PLD5: variants seen among roughly 807,000 people sequenced by gnomAD.
The protein encoded by PLD5 is inactive phospholipase D5.
A neutral mutation model predicts 61.1 loss-of-function variants in PLD5; 36 were observed. The observed-to-expected ratio is 0.59, with a 90% CI of 0.45 to 0.78. PLD5 has a LOEUF of 0.78. Among genes scored for constraint, PLD5 ranks in the 30% least tolerant of loss-of-function variants. The pLI is 0.00. For synonymous variants in PLD5, 243 were observed against 242.8 expected (o/e 1.00, Z -0.01); for missense variants, 515 against 644.4 (o/e 0.80, Z 2.17).
At chr1:242,255,563 G>C (rs2653195) in intron 4 of PLD5, among the ~76,000 whole-genome samples, 3 of 152,188 alleles carry the variant, frequency 2.0e-5, no homozygotes, top group Non-Finnish European at 4.4e-5. Flanking sequence ...TAACCTGCAC[G>C]TTGTGCACAT....
At chr1:242,361,590 A>G (rs1027019147) in intron 1 of PLD5, among the ~76,000 whole-genome samples, 4 of 152,308 alleles carry the variant, frequency 2.6e-5, no homozygotes, top group Admixed American at 6.5e-5. Context: ...TTAAAATGCT[A>G]TTACATAGCA....
At chr1:242,092,979 C>T (rs2148650482) in intron 9 of PLD5, among the ~76,000 whole-genome samples, 1 of 152,284 alleles carries the variant, frequency 6.6e-6, no homozygotes, top group Non-Finnish European at 1.5e-5. Flanking sequence ...TTGCTTTATC[C>T]TTCTCCCCTC....
At chr1:242,108,043 G>T (rs778181727) in intron 7 of PLD5, among the ~76,000 whole-genome samples, 2 of 152,104 alleles carry the variant, frequency 1.3e-5, no homozygotes, top group Non-Finnish European at 2.9e-5. Context: ...ACCTGCCCCT[G>T]CCTAAAAGGA....
intron 2 of PLD5, among the ~76,000 whole-genome samples, chr1:242,333,608 G>A (rs1413954634): frequency 1.3e-5 from 2 of 152,184 alleles, no homozygotes; most frequent in African/African-American, 4.8e-5. Context: ...TTAAGTGTAA[G>A]GTTCAATGGT....
At chr1:242,297,565 C>T (rs2149153558) in intron 2 of PLD5, among the ~76,000 whole-genome samples, 1 of 151,408 alleles carries the variant, frequency 6.6e-6, no homozygotes, top group South Asian at 2.1e-4. Flanking sequence ...ACCATCACAT[C>T]CAGCTAACCA....
chr1:242,333,967 C>A (rs1659349091), intron 2 of PLD5, among the ~76,000 whole-genome samples: 1 of 152,132 alleles, frequency 6.6e-6, no homozygotes, highest in East Asian at 1.9e-4. Flanking sequence ...CATGGGCATG[C>A]AGATAACTCT....
At chr1:242,388,249 A>C (rs980744693) in intron 1 of PLD5, among the ~76,000 whole-genome samples, 1 of 152,206 alleles carries the variant, frequency 6.6e-6, no homozygotes, top group Non-Finnish European at 1.5e-5. Flanking sequence ...TTTTGCAGGG[A>C]GTAGGAAAGT....
At chr1:242,207,463 T>C (rs1049766798) in intron 5 of PLD5, among the ~76,000 whole-genome samples, 1 of 152,082 alleles carries the variant, frequency 6.6e-6, no homozygotes, top group African/African-American at 2.4e-5. Context: ...TCTTGCCTTT[T>C]CCAGTTCTAT....
At chr1:242,090,407 C>T (rs1230070065) in intron 9 of PLD5, among the ~76,000 whole-genome samples, 1 of 152,214 alleles carries the variant, frequency 6.6e-6, no homozygotes. Context: ...ACAAGCCACA[C>T]TAAATACAGC....
At chr1:242,500,099 G>A (rs749171234) in intron 1 of PLD5, among the ~76,000 whole-genome samples, 37 of 152,250 alleles carry the variant, frequency 2.4e-4, no homozygotes, top group Admixed American at 6.5e-4. Flanking sequence ...AGTCTTTTAT[G>A]ATCAAGCCTT....
chr1:242,259,407 C>G (rs1574626541), intron 4 of PLD5, among the ~76,000 whole-genome samples: 1 of 151,956 alleles, frequency 6.6e-6, no homozygotes. Context: ...ATTTCAGGCA[C>G]AGGGAAAACA....
At chr1:242,517,881 T>C (rs1426578893) in intron 1 of PLD5, among the ~76,000 whole-genome samples, 1 of 152,180 alleles carries the variant, frequency 6.6e-6, no homozygotes, top group Non-Finnish European at 1.5e-5. Context: ...ACTGATGAGT[T>C]TGCCAATTGG....
At chr1:242,413,878 T>A (rs1477554060) in intron 1 of PLD5, among the ~76,000 whole-genome samples, 2 of 152,168 alleles carry the variant, frequency 1.3e-5, no homozygotes, top group Non-Finnish European at 2.9e-5. Flanking sequence ...GGGCAGAGAA[T>A]AAGTTAGGAG....
chr1:242,286,243 A>G (rs1675014853), intron 3 of PLD5, among the ~76,000 whole-genome samples: 1 of 152,218 alleles, frequency 6.6e-6, no homozygotes. Context: ...CCTCACTCAG[A>G]TCCAGACCTG....
chr1:242,191,907 G>T (rs1402075542), intron 5 of PLD5, among the ~76,000 whole-genome samples: 1 of 152,142 alleles, frequency 6.6e-6, no homozygotes, highest in Non-Finnish European at 1.5e-5. Context: ...GTGAAAGAAA[G>T]AAGAAAGAGT....
intron 5 of PLD5, among the ~76,000 whole-genome samples, chr1:242,196,921 C>A (rs1224924412): frequency 6.6e-6 from 1 of 152,062 alleles, no homozygotes; most frequent in Non-Finnish European, 1.5e-5. Flanking sequence ...ATGATGTATA[C>A]CCCTTCAAGT....
chr1:242,247,936 C>G (rs1340749861), intron 4 of PLD5, among the ~76,000 whole-genome samples: 1 of 152,168 alleles, frequency 6.6e-6, no homozygotes, highest in Non-Finnish European at 1.5e-5. Context: ...CTGGCTGAAG[C>G]AGAATCTCTT....
At chr1:242,264,410 A>G (rs1673540000) in intron 4 of PLD5, among the ~76,000 whole-genome samples, 2 of 152,208 alleles carry the variant, frequency 1.3e-5, no homozygotes, top group South Asian at 2.1e-4. Context: ...AATGACTTTC[A>G]ATATGCTTTA....
intron 2 of PLD5, among the ~76,000 whole-genome samples, chr1:242,321,916 T>C (rs370252368): frequency 2.0e-5 from 3 of 152,182 alleles, no homozygotes; most frequent in East Asian, 3.9e-4. Context: ...GGGATTCTCT[T>C]TTTTAACTGA....
Sources: allele counts gnomAD v4.1 joint callset (sites outside exome capture counted in the v4.1 genomes callset), GRCh38; gene constraint gnomAD v4.1.1; transcripts MANE v1.5; gene names NCBI Gene and HGNC (gene_info 2026-07-23, HGNC 2026-07-21).